TENT4A: variants seen among roughly 807,000 people sequenced by gnomAD.
TENT4A encodes the protein DNA polymerase kappa.
Under a neutral mutation model 72.8 loss-of-function variants are expected in TENT4A, and 7 were observed. The observed-to-expected ratio is 0.10, with a 90% CI of 0.05 to 0.18. The LOEUF is 0.18. Among genes scored for constraint, TENT4A ranks in the 10% least tolerant of loss-of-function variants. TENT4A has a pLI of 1.00. For missense variants in TENT4A, 831 were observed against 1,017.7 expected (o/e 0.82, Z 2.50); for synonymous variants, 456 against 434.3 (o/e 1.05, Z -0.62).
rs28381385 is a variant in TENT4A, at chr5:6,744,008, C to T, written c.1245+168C>T. 7.9e-5 allele frequency among the ~76,000 whole-genome samples: 12 copies of T among 152,312 alleles called. No homozygotes were observed. The South Asian group carries it at 1.7e-3, about 21-fold the overall frequency. ...TACAATCAAACCCTCTTGATTAATG[C>T]ACCTTTCTGGATGCTCATTTTGTAC... On this transcript the variant is annotated intron_variant, in intron 6 of 12. Coordinates refer to ENST00000230859, the MANE Select transcript of TENT4A (RefSeq NM_006999.6).
intron 1 of TENT4A, among the ~76,000 whole-genome samples, chr5:6,733,399 C>G (rs1305258388): frequency 6.6e-6 from 1 of 152,258 alleles, no homozygotes; most frequent in African/African-American, 2.4e-5. Context: ...GCCTAGGGCT[C>G]TCACTGTGTC....
chr5:6,747,180 C>A (rs951607409), intron 7 of TENT4A, among the ~76,000 whole-genome samples: 8 of 152,172 alleles, frequency 5.3e-5, no homozygotes, highest in Non-Finnish European at 8.8e-5. Flanking sequence ...ACCATTCTTA[C>A]TGTTGGTGAT....
At chr5:6,754,686 GC>G (rs1579506882) in intron 12 of TENT4A, 64 bp from the exon 13 acceptor site, 3 of 1,350,370 alleles carry the variant, frequency 2.2e-6, no homozygotes, top group Non-Finnish European at 3.0e-6. Flanking sequence ...TGTGGTCACT[GC>G]CCGAGGACGT....
chr5:6,731,350 C>G (rs1352082634), intron 1 of TENT4A, among the ~76,000 whole-genome samples: 2 of 152,154 alleles, frequency 1.3e-5, no homozygotes, highest in African/African-American at 2.4e-5. Context: ...TTTGTCAAAT[C>G]ACTTTTTCCC....
intron 1 of TENT4A, among the ~76,000 whole-genome samples, chr5:6,726,698 C>T (rs1561029362): frequency 1.3e-5 from 2 of 152,186 alleles, no homozygotes; most frequent in African/African-American, 2.4e-5. Flanking sequence ...TCAGAACCCA[C>T]GTGCGTTGCC....
intron 1 of TENT4A, among the ~76,000 whole-genome samples, chr5:6,718,185 C>T (rs1254684423): frequency 6.6e-6 from 1 of 152,208 alleles, no homozygotes; most frequent in Non-Finnish European, 1.5e-5. Context: ...TGAGAGAGAC[C>T]GACGACTGTC....
chr5:6,750,290 A>G, intron 9 of TENT4A, 41 bp from the exon 10 acceptor site: 1 of 1,544,562 alleles, frequency 6.5e-7, no homozygotes, highest in Non-Finnish European at 8.7e-7. Flanking sequence ...TCCACGCCGC[A>G]GTTCTCAGGA....
At chr5:6,730,431 C>T (rs897161918) in intron 1 of TENT4A, among the ~76,000 whole-genome samples, 3 of 152,146 alleles carry the variant, frequency 2.0e-5, no homozygotes, top group African/African-American at 4.8e-5. Context: ...CCTTTTTCAC[C>T]GAGTTAGCAT....
At chr5:6,718,649 G>A (rs1202708593) in intron 1 of TENT4A, among the ~76,000 whole-genome samples, 2 of 152,238 alleles carry the variant, frequency 1.3e-5, no homozygotes, top group African/African-American at 4.8e-5. Flanking sequence ...AGGAAGAGGA[G>A]TTAATTTCAT....
intron 1 of TENT4A, among the ~76,000 whole-genome samples, chr5:6,735,217 A>G (rs891855190): frequency 1.3e-5 from 2 of 152,222 alleles, no homozygotes; most frequent in African/African-American, 4.8e-5. Context: ...CTTTGGGCCA[A>G]TTATTTAATA....
intron 1 of TENT4A, among the ~76,000 whole-genome samples, chr5:6,732,639 A>G (rs542640996): frequency 2.0e-3 from 311 of 152,356 alleles, no homozygotes; most frequent in African/African-American, 7.1e-3. Context: ...TTGTTTTTCA[A>G]TGAACTTTAT....
intron 11 of TENT4A, among the ~76,000 whole-genome samples, chr5:6,752,202 G>A (rs1366247328): frequency 7.2e-5 from 11 of 152,224 alleles, no homozygotes; most frequent in Admixed American, 5.9e-4. Flanking sequence ...AGCCCAGTGC[G>A]GCTGCTGAGC....
chr5:6,742,659 C>G, intron 5 of TENT4A, 62 bp downstream of exon 5: 1 of 930,578 alleles, frequency 1.1e-6, no homozygotes, highest in Non-Finnish European at 1.8e-6. Flanking sequence ...TGCTTGGTGG[C>G]ATCCTACGAT....
rs775796797 is a variant in TENT4A, at chr5:6,742,463, G to A, written c.1009-27G>A. 1.0e-5 allele frequency: 15 copies of A among 1,434,940 alleles called. No homozygotes were observed. In the East Asian group the frequency reaches 3.2e-4, roughly 30 times the overall value. The allele number at this position is 1,434,940 out of a possible 1,614,324, so 88.9% of individuals were successfully genotyped here. On this transcript the variant is annotated intron_variant, in intron 4 of 12. Coordinates refer to ENST00000230859, the MANE Select transcript of TENT4A (RefSeq NM_006999.6). ...GCTGTGGAGAGTCCTGCATGTTAAA[G>A]CAGTTTTTAAAATGAAATCTTTACA...
chr5:6,730,246 G>T (rs1278353792), intron 1 of TENT4A, among the ~76,000 whole-genome samples: 4 of 152,124 alleles, frequency 2.6e-5, no homozygotes, highest in African/African-American at 9.7e-5. Flanking sequence ...ACTGGCCCTG[G>T]GACATCACCT....
chr5:6,717,641 TTTGA>T (rs942722900), intron 1 of TENT4A, among the ~76,000 whole-genome samples: 87 of 152,366 alleles, frequency 5.7e-4, no homozygotes, highest in African/African-American at 2.0e-3. Context: ...TGAATCATTG[TTTGA>T]TTGAAATCTC....
At chr5:6,733,738 T>A (rs1449544688) in intron 1 of TENT4A, among the ~76,000 whole-genome samples, 1 of 152,204 alleles carries the variant, frequency 6.6e-6, no homozygotes, top group Non-Finnish European at 1.5e-5. Flanking sequence ...CCAGCGGGCA[T>A]ATTCAGTATT....
At chr5:6,733,100 G>A (rs1175910886) in intron 1 of TENT4A, among the ~76,000 whole-genome samples, 2 of 152,226 alleles carry the variant, frequency 1.3e-5, no homozygotes, top group Non-Finnish European at 2.9e-5. Context: ...AGAATGAGAT[G>A]TGTATCATAT....
chr5:6,730,874 A>C (rs930027980), intron 1 of TENT4A, among the ~76,000 whole-genome samples: 4 of 152,186 alleles, frequency 2.6e-5, no homozygotes, highest in Non-Finnish European at 5.9e-5. Context: ...TTAGCTTATT[A>C]ACTGTATCAG....
Sources: allele counts gnomAD v4.1 joint callset (sites outside exome capture counted in the v4.1 genomes callset), GRCh38; gene constraint gnomAD v4.1.1; transcripts MANE v1.5; gene names NCBI Gene and HGNC (gene_info 2026-07-23, HGNC 2026-07-21).